WDR38: variants seen among roughly 807,000 people sequenced by gnomAD.
WDR38 encodes WD repeat-containing protein 38.
Under a neutral mutation model 36.6 loss-of-function variants are expected in WDR38, and 37 were observed. The ratio of observed to expected loss-of-function variants is 1.01; its 90% CI spans 0.78 to 1.33. The LOEUF (loss-of-function observed/expected upper bound fraction) is 1.33, where lower values mean the gene tolerates loss of function less well. WDR38 is among the 40% of genes most tolerant of loss of function. The pLI, the probability that WDR38 is intolerant of heterozygous loss-of-function variation, is 0.00. For synonymous variants in WDR38, 164 were observed against 168.1 expected (o/e 0.98, Z 0.19); for missense variants, 411 against 414.6 (o/e 0.99, Z 0.07).
intron 1 of WDR38, 79 bp from the exon 2 acceptor site, chr9:124,854,126 G>T (rs1017782549): frequency 1.3e-6 from 2 of 1,589,710 alleles, no homozygotes; most frequent in Non-Finnish European, 1.7e-6. Context: ...CAGGCTCTTG[G>T]GGGGCAGTGT....
chr9:124,856,777 A>G lies in WDR38; in HGVS notation c.664A>G (p.Thr222Ala), dbSNP rs1270297996. The G allele has an allele frequency of 3.1e-6, 5 of 1,614,092 alleles. No homozygotes were observed. Among genetic ancestry groups the G allele is most frequent in the Non-Finnish European group, 4.2e-6 (5 of 1,180,046 alleles). Residue 222 changes from threonine to alanine, a missense_variant, in exon 7 of 9, where the codon ACC becomes GCC. Transcript: ENST00000373574. The part of the protein sequence containing the change: ...DKTIHIWKPT[T>A]SSLLIQLKGH... Reference sequence around the variant, plus strand: ...GACCATCCACATCTGGAAGCCCACAACCAGCAGCCTGCTTATCCAACTGAA... The same window carrying G: ...GACCATCCACATCTGGAAGCCCACAGCCAGCAGCCTGCTTATCCAACTGAA...
chr9:124,855,591 T>A (rs555491951), intron 2 of WDR38, 43 bp from the exon 3 acceptor site: 2 of 1,568,410 alleles, frequency 1.3e-6, no homozygotes. Flanking sequence ...TGGGCAGAAG[T>A]GGCGGGCAGT....
intron 6 of WDR38, 37 bp downstream of exon 6, chr9:124,856,637 G>A (rs780808393): frequency 1.2e-6 from 2 of 1,612,720 alleles, no homozygotes; most frequent in East Asian, 4.5e-5. Context: ...CTGGTCCCTT[G>A]CTGGCAGCCA....
chr9:124,855,750 G>A lies in WDR38; in HGVS notation c.307G>A (p.Gly103Ser). 1 of 1,613,234 alleles carries A rather than the reference G, an allele frequency of 6.2e-7. No individual in the cohort carries two copies. Reference sequence around the variant, plus strand: ...AGCGAAGTGTCTGCGGGTCCTGAAGGGTGAGTGAGCTGGGAGCCAAGCAGC... The same window carrying A: ...AGCGAAGTGTCTGCGGGTCCTGAAGAGTGAGTGAGCTGGGAGCCAAGCAGC... ...ARAKCLRVLK[G>S]HQRSVETVSF... The change falls in exon 3 of 9, where the codon GGT becomes AGT. Residue 103 changes from glycine (G) to serine (S), a missense_variant and splice_region_variant. By Grantham distance (56) the Gly-to-Ser change is moderately conservative. Transcript: ENST00000373574.
intron 7 of WDR38, among the ~76,000 whole-genome samples, 166 bp from the exon 8 acceptor site, chr9:124,857,198 A>C (rs946484183): frequency 6.6e-6 from 1 of 152,210 alleles, no homozygotes; most frequent in African/African-American, 2.4e-5. Flanking sequence ...GCGGTGGCTC[A>C]CACCTGTAAT....
rs111479730 is a variant in WDR38, at chr9:124,854,754, C to T, written c.190+429C>T. 2.3e-3 allele frequency among the ~76,000 whole-genome samples: 347 copies of T among 152,176 alleles called. 1 individual carries two copies. Among genetic ancestry groups the T allele is most frequent in the African/African-American group, 6.2e-3 (258 of 41,516 alleles). ...AATTTTTTTGTATCTTTAGTAGAGA[C>T]GGGGTTTCACCATCTTGGCCAGGCT... is the stretch of plus-strand genomic sequence containing the variant. On this transcript the variant is annotated intron_variant, in intron 2 of 8. Coordinates refer to ENST00000373574, the MANE Select transcript of WDR38 (RefSeq NM_001045476.3).
At chr9:124,856,928 C>T (rs757199310) in intron 7 of WDR38, 47 bp downstream of exon 7, 1 of 1,608,590 alleles carries the variant, frequency 6.2e-7, no homozygotes, top group Non-Finnish European at 8.5e-7. Flanking sequence ...ATCCTCACCC[C>T]ACCAGGAGCC....
At position 124,857,419 on chromosome 9, in the gene WDR38, A is replaced by C. The variant is rs750409764; in HGVS notation, c.816+8A>C. On this transcript the variant is annotated splice_region_variant and intron_variant, in intron 8 of 8. Coordinates refer to ENST00000373574, the MANE Select transcript of WDR38 (RefSeq NM_001045476.3). Reference sequence around the variant, plus strand: ...TGCCTTGAGACCCTGAAGGTAAGGCACGGCGCTGTGGCACTGAGGAAGCTG... The same window carrying C: ...TGCCTTGAGACCCTGAAGGTAAGGCCCGGCGCTGTGGCACTGAGGAAGCTG... The C allele has an allele frequency of 2.2e-5, 35 of 1,614,156 alleles. No individual in the cohort carries two copies. In the South Asian group the frequency reaches 3.8e-4, roughly 18 times the overall value.
In WDR38 at chr9:124,854,243, G is replaced by T; in HGVS notation, c.108G>T (p.Leu36=). Residue 36 remains leucine, a synonymous_variant, in exon 2 of 9, where the codon CTG becomes CTT. Transcript: ENST00000373574. Reference sequence around the variant, plus strand: ...CCTTCTCCCCTGATGGCCAGATGCTGCTCACAGGCTCAGAAGATGGCTGCG... The same window carrying T: ...CCTTCTCCCCTGATGGCCAGATGCTTCTCACAGGCTCAGAAGATGGCTGCG... ...SSAFSPDGQM[L]LTGSEDGCVY... 6.2e-7 allele frequency: 1 copy of T among 1,614,140 alleles called. No homozygotes were observed. The highest frequency in any genetic ancestry group is 2.2e-5 in the East Asian group (1 of 44,868).
At chr9:124,856,164 TC>T in intron 4 of WDR38, 75 bp from the exon 5 acceptor site, 2 of 1,595,770 alleles carry the variant, frequency 1.3e-6, no homozygotes, top group South Asian at 1.1e-5. Context: ...TTGCACGAGG[TC>T]CCCCTTTCCT....
rs1564304876 is a variant in WDR38, at chr9:124,855,738, C to CG, written c.298dup (p.Val100GlyfsTer17). The CG allele has an allele frequency of 6.2e-7, 1 of 1,613,226 alleles. No homozygotes were observed. Among genetic ancestry groups the CG allele is most frequent in the Admixed American group, 1.7e-5 (1 of 60,022 alleles). ...GGATGTGGCAAGAGCGAAGTGTCTG[C>CG]GGGTCCTGAAGGGTGAGTGAGCTGG... On this transcript the variant is annotated frameshift_variant, in exon 3 of 9. Coordinates refer to ENST00000373574, the MANE Select transcript of WDR38 (RefSeq NM_001045476.3). LOFTEE classifies it high-confidence loss of function.
Position 124,857,762 on chromosome 9 carries a change from C to CA in WDR38, c.*132_*133insA. ...TCCCCATGGCCAGGACTCTCCAGGC[C>CA]CCACCAGAGCAGACAACTGTGGTGG... is the stretch of plus-strand genomic sequence containing the variant. On this transcript the variant is annotated 3_prime_UTR_variant, in exon 9 of 9. Transcript: ENST00000373574. 2.0e-6 allele frequency: 3 copies of CA among 1,514,306 alleles called. No homozygotes were observed. Among genetic ancestry groups the CA allele is most frequent in the Middle Eastern group, 2.2e-4 (1 of 4,468 alleles). The allele number at this position is 1,514,306 out of a possible 1,614,324, so 93.8% of individuals were successfully genotyped here. A position where few individuals can be genotyped will look rare whatever the true frequency, so the allele number is the denominator to read the frequency against.
chr9:124,857,777 A>T lies in WDR38; in HGVS notation c.*147A>T, dbSNP rs1020268543. 2 of 1,499,516 alleles carry T rather than the reference A, an allele frequency of 1.3e-6. No individual in the cohort carries two copies. Among genetic ancestry groups the T allele is most frequent in the African/African-American group, 2.8e-5 (2 of 72,466 alleles). The allele number at this position is 1,499,516 out of a possible 1,614,324, so 92.9% of individuals were successfully genotyped here. On this transcript the variant is annotated 3_prime_UTR_variant, in exon 9 of 9. Coordinates refer to ENST00000373574, the MANE Select transcript of WDR38 (RefSeq NM_001045476.3). ...CTCTCCAGGCCCCACCAGAGCAGACAACTGTGGTGGGCAGGACGCTTGCTG... is the reference window on the plus strand; with the variant it reads ...CTCTCCAGGCCCCACCAGAGCAGACTACTGTGGTGGGCAGGACGCTTGCTG...
chr9:124,857,870 G>C lies in WDR38; in HGVS notation c.*240G>C, dbSNP rs1242963611. The C allele has an allele frequency of 6.2e-7, 1 of 1,601,040 alleles. No individual in the cohort carries two copies. On this transcript the variant is annotated 3_prime_UTR_variant, in exon 9 of 9. Transcript: ENST00000373574. The stretch of plus-strand genomic sequence containing the variant: ...CTCCACCCAATCAGTGGAAGTGCCA[G>C]GAAACAAAGCAGTCTCAGCCAGCTG...
chr9:124,855,650 C>A lies in WDR38; in HGVS notation c.207C>A (p.Cys69Ter), dbSNP rs777353575. Residue 69 changes from cysteine (C) to a stop codon, truncating the protein, a stop_gained, in exon 3 of 9, where the codon TGC becomes TGA. Coordinates refer to ENST00000373574, the MANE Select transcript of WDR38 (RefSeq NM_001045476.3). LOFTEE classifies it high-confidence loss of function. ...LGGHTGPVKF[C>*]RFSPDGHLFA... The stretch of plus-strand genomic sequence containing the variant: ...CCCGCCCAGGCCCCGTGAAGTTCTG[C>A]CGCTTCTCCCCTGATGGCCACCTCT... 1 of 1,611,022 alleles carries A rather than the reference C, an allele frequency of 6.2e-7. No homozygotes were observed. Among genetic ancestry groups the A allele is most frequent in the African/African-American group, 1.3e-5 (1 of 74,926 alleles).
In WDR38 at chr9:124,857,522, C is replaced by T. The variant is rs1275159554; in HGVS notation, c.837C>T (p.His279=). The T allele has an allele frequency of 5.0e-6, 8 of 1,614,082 alleles. No individual in the cohort carries two copies. Among genetic ancestry groups the T allele is most frequent in the Non-Finnish European group, 5.9e-6 (7 of 1,180,040 alleles). Residue 279 remains histidine, a synonymous_variant, in exon 9 of 9, where the codon CAC becomes CAT. Coordinates refer to ENST00000373574, the MANE Select transcript of WDR38 (RefSeq NM_001045476.3). The part of the protein sequence containing the change: ...ETLKGVLDVA[H]TCAFTPDGKI... The stretch of plus-strand genomic sequence containing the variant: ...AGCAGGGAGTCCTGGATGTGGCCCA[C>T]ACCTGTGCCTTCACCCCAGATGGGA...
At chr9:124,855,321 A>C (rs767720946) in intron 2 of WDR38, among the ~76,000 whole-genome samples, 8 of 152,252 alleles carry the variant, frequency 5.3e-5, no homozygotes, top group Non-Finnish European at 1.2e-4. Context: ...AGTCTGGTTA[A>C]TGCTGCAAGG....
chr9:124,853,477 G>A lies in WDR38; in HGVS notation c.-55G>A, dbSNP rs555984186. ...TCCTCTTTCCTCTGCCCAGTCCTGG[G>A]GTCCCGCGGCCGCCTAGGAGGGAGC... On this transcript the variant is annotated 5_prime_UTR_variant, in exon 1 of 9. Coordinates refer to ENST00000373574, the MANE Select transcript of WDR38 (RefSeq NM_001045476.3). 1 of 1,143,076 alleles carries A rather than the reference G, an allele frequency of 8.7e-7. No homozygotes were observed. Among genetic ancestry groups the A allele is most frequent in the East Asian group, 3.2e-5 (1 of 31,244 alleles). 70.8% of individuals were successfully genotyped at this position (1,143,076 alleles called of 1,614,324 possible).
Position 124,854,217 on chromosome 9 carries a change from G to A in WDR38, c.82G>A (p.Ala28Thr), listed in dbSNP as rs1253304426. The part of the protein sequence containing the change: ...GQHGGEVNSS[A>T]FSPDGQMLLT... The stretch of plus-strand genomic sequence containing the variant: ...GTGCTGTTTCTAGGTCAACTCTTCT[G>A]CCTTCTCCCCTGATGGCCAGATGCT... Residue 28 changes from alanine (A) to threonine (T), a missense_variant, in exon 2 of 9, where the codon GCC becomes ACC. Physicochemically the swap from Ala to Thr is moderately conservative, Grantham distance 58. Transcript: ENST00000373574. 6.2e-7 allele frequency: 1 copy of A among 1,614,126 alleles called. No individual in the cohort carries two copies.
Sources: allele counts gnomAD v4.1 joint callset (sites outside exome capture counted in the v4.1 genomes callset), GRCh38; gene constraint gnomAD v4.1.1; transcripts MANE v1.5; gene names NCBI Gene and HGNC (gene_info 2026-07-23, HGNC 2026-07-21).